TAS2R1: variants seen among roughly 807,000 people sequenced by gnomAD.
TAS2R1 encodes the protein taste receptor type 2 member 1.
For synonymous variants in TAS2R1, 141 were observed against 134.2 expected, an observed-to-expected ratio of 1.05 and a Z score of -0.35; for missense variants, 370 against 353.4, an observed-to-expected ratio of 1.05 and a Z score of -0.38.
chr5:9,762,455 C>A, the TAS2R1 span, among the ~76,000 whole-genome samples: 1 of 152,120 alleles, frequency 6.6e-6, no homozygotes, highest in African/African-American at 2.4e-5. Context: ...GCATTCCACA[C>A]GAAAATGTAT....
At chr5:9,808,930 G>C in the TAS2R1 span, among the ~76,000 whole-genome samples, 1 of 152,208 alleles carries the variant, frequency 6.6e-6, no homozygotes, top group Admixed American at 6.5e-5. Context: ...AGCAGGGCCA[G>C]TCCATTGCAC....
At chr5:9,753,288 T>C in the TAS2R1 span, among the ~76,000 whole-genome samples, 2 of 152,264 alleles carry the variant, frequency 1.3e-5, no homozygotes, top group Non-Finnish European at 2.9e-5. Context: ...TTTGCATTTC[T>C]CTGATGGCCA....
chr5:9,780,112 T>C, the TAS2R1 span, among the ~76,000 whole-genome samples: 1 of 152,190 alleles, frequency 6.6e-6, no homozygotes, highest in African/African-American at 2.4e-5. Context: ...ACAAGATCAT[T>C]TCCTTTGACA....
the TAS2R1 span, among the ~76,000 whole-genome samples, chr5:9,833,281 T>G: frequency 2.0e-5 from 3 of 152,228 alleles, no homozygotes; most frequent in Non-Finnish European, 2.9e-5. Flanking sequence ...TTTATCTTTG[T>G]AGCTATCTTA....
At chr5:9,680,501 C>T (rs1389157353) in intron 1 of TAS2R1, among the ~76,000 whole-genome samples, 1 of 152,158 alleles carries the variant, frequency 6.6e-6, no homozygotes, top group Non-Finnish European at 1.5e-5. Flanking sequence ...TCAACATCAA[C>T]AGCCACAAAT....
the TAS2R1 span, among the ~76,000 whole-genome samples, chr5:9,839,765 C>T: frequency 1.3e-5 from 2 of 151,796 alleles, no homozygotes; most frequent in Admixed American, 6.6e-5. Flanking sequence ...AGTAAACACA[C>T]GTCTTTTTTT....
At chr5:9,777,692 C>T in the TAS2R1 span, among the ~76,000 whole-genome samples, 9 of 152,316 alleles carry the variant, frequency 5.9e-5, no homozygotes, top group South Asian at 1.9e-3. Context: ...TGCCCAGATC[C>T]ATCACAGTAA....
chr5:9,791,283 A>G, the TAS2R1 span, among the ~76,000 whole-genome samples: 1 of 152,222 alleles, frequency 6.6e-6, no homozygotes, highest in East Asian at 1.9e-4. Flanking sequence ...CCCAGCATGT[A>G]CAGTGAGAGA....
the TAS2R1 span, among the ~76,000 whole-genome samples, chr5:9,806,648 A>C: frequency 1.3e-5 from 2 of 152,292 alleles, no homozygotes; most frequent in Non-Finnish European, 2.9e-5. Context: ...TAAAGTAGGG[A>C]AAGGCCACCC....
chr5:9,743,207 G>A, the TAS2R1 span, among the ~76,000 whole-genome samples: 1 of 152,114 alleles, frequency 6.6e-6, no homozygotes, highest in Admixed American at 6.5e-5. Context: ...TAGTGCAGAG[G>A]CAACTCCCTT....
chr5:9,824,358 G>A, the TAS2R1 span, among the ~76,000 whole-genome samples: 1 of 152,298 alleles, frequency 6.6e-6, no homozygotes, highest in Admixed American at 6.5e-5. Context: ...TCATAAAACC[G>A]ACTTGATGGA....
chr5:9,873,982 AAAAG>A, the TAS2R1 span, among the ~76,000 whole-genome samples: 4 of 149,174 alleles, frequency 2.7e-5, no homozygotes, highest in African/African-American at 7.4e-5. Context: ...GAGAGGAAGA[AAAAG>A]AGAGAGAGGA....
the TAS2R1 span, among the ~76,000 whole-genome samples, chr5:9,796,699 C>T: frequency 6.1e-4 from 74 of 121,932 alleles, no homozygotes; most frequent in African/African-American, 1.9e-3. Context: ...AAGTCTTTGG[C>T]GCAGAAAATA....
intron 1 of TAS2R1, among the ~76,000 whole-genome samples, chr5:9,674,658 A>G (rs1374620111): frequency 1.3e-5 from 2 of 152,286 alleles, no homozygotes; most frequent in East Asian, 1.9e-4. Context: ...ATTCAGTTAC[A>G]TATATTAACT....
chr5:9,639,192 A>T (rs1426058754), intron 2 of TAS2R1, among the ~76,000 whole-genome samples: 1 of 151,388 alleles, frequency 6.6e-6, no homozygotes, highest in South Asian at 2.1e-4. Flanking sequence ...TCACCCTGTG[A>T]CCCCTCCGCA....
chr5:9,850,286 C>A, the TAS2R1 span, among the ~76,000 whole-genome samples: 2 of 152,210 alleles, frequency 1.3e-5, no homozygotes, highest in Admixed American at 6.5e-5. Flanking sequence ...CTTCCACAAG[C>A]CTCTTAAAGC....
intron 1 of TAS2R1, among the ~76,000 whole-genome samples, chr5:9,703,248 T>C (rs1461160157): frequency 6.6e-6 from 1 of 152,210 alleles, no homozygotes; most frequent in Non-Finnish European, 1.5e-5. Context: ...GGCTTGTCAC[T>C]GTCAGGAGCA....
the TAS2R1 span, among the ~76,000 whole-genome samples, chr5:9,801,498 C>T: frequency 2.0e-5 from 3 of 152,206 alleles, no homozygotes; most frequent in East Asian, 5.8e-4. Flanking sequence ...AGAACTACTA[C>T]AGGAACATAC....
chr5:9,740,159 C>T, the TAS2R1 span, among the ~76,000 whole-genome samples: 5 of 152,178 alleles, frequency 3.3e-5, no homozygotes, highest in Non-Finnish European at 7.3e-5. Flanking sequence ...AAAGTTTTCT[C>T]AGAGCCTTTT....
Sources: gnomAD v4.1 joint callset for allele counts (sites outside exome capture counted in the v4.1 genomes callset) on GRCh38, gnomAD v4.1.1 for gene constraint, MANE v1.5 for transcripts, NCBI Gene and HGNC (gene_info 2026-07-23, HGNC 2026-07-21) for gene names.